Variants in INPP4B observed in about 807,000 individuals in gnomAD.
INPP4B encodes inositol polyphosphate 4-phosphatase type II.
In INPP4B, 55 loss-of-function variants were observed where a neutral mutation model predicts 122.5. That is an observed-to-expected ratio of 0.45 (90% confidence interval 0.36 to 0.56). The LOEUF (loss-of-function observed/expected upper bound fraction) is 0.56. INPP4B is among the 20% of genes least tolerant of loss of function. The pLI is 0.00. For missense variants in INPP4B, 1,000 were observed against 1,097.7 expected, an observed-to-expected ratio of 0.91 and a Z score of 1.26; for synonymous variants, 403 against 388.7, an observed-to-expected ratio of 1.04 and a Z score of -0.43.
At position 142,124,751 on chromosome 4, in the gene INPP4B, T is replaced by C; in HGVS notation, c.1730A>G (p.Tyr577Cys). Residue 577 changes from tyrosine to cysteine, a missense_variant, in exon 19 of 26, where the codon TAT (tyrosine) becomes TGT (cysteine). Physicochemically the swap from Tyr to Cys is radical, Grantham distance 194 (BLOSUM62 -2). Coordinates refer to ENST00000262992, the MANE Select transcript of INPP4B (RefSeq NM_001101669.3). ...AAGGATGAGGGGATACAACTGTTCA[T>C]ACCAGTCCTCTGGGGGAAGGGGGTG... is the stretch of plus-strand genomic sequence containing the variant. Reference protein sequence around the residue: ...AIPSHPREDWYEQLYPLILTL... With the variant: ...AIPSHPREDWCEQLYPLILTL... The C allele has an allele frequency of 1.3e-6, 2 of 1,556,260 alleles. No homozygotes were observed. Among genetic ancestry groups the C allele is most frequent in the Non-Finnish European group, 8.7e-7 (1 of 1,143,876 alleles).
intron 2 of INPP4B, among the ~76,000 whole-genome samples, chr4:142,643,870 T>G (rs1438249534): frequency 6.6e-6 from 1 of 152,124 alleles, no homozygotes; most frequent in Admixed American, 6.6e-5. Context: ...TCAAGAAAAC[T>G]GAAACAATAG....
At chr4:142,730,549 A>G (rs1765936987) in intron 1 of INPP4B, among the ~76,000 whole-genome samples, 1 of 152,086 alleles carries the variant, frequency 6.6e-6, no homozygotes, top group Non-Finnish European at 1.5e-5. Flanking sequence ...GCACCTTCCA[A>G]ATGTACTGCC....
chr4:142,527,217 ATAT>A lies in INPP4B; in HGVS notation c.-190-64494_-190-64492del, dbSNP rs1042566766. Among the ~76,000 whole-genome samples, 140 of 151,610 alleles carry A rather than the reference ATAT, an allele frequency of 9.2e-4. 2 individuals are homozygous for A. Among genetic ancestry groups the A allele is most frequent in the Admixed American group, 8.0e-3 (122 of 15,162 alleles). The stretch of plus-strand genomic sequence containing the variant: ...TTTTCTAAATTCCCCATCATAAGTA[ATAT>A]TATTAATTATGCCAATATTAATAAT... On this transcript the variant is annotated intron_variant, in intron 2 of 25. Coordinates refer to ENST00000262992, the MANE Select transcript of INPP4B (RefSeq NM_001101669.3).
chr4:142,162,459 T>C (rs1820599227), intron 16 of INPP4B, among the ~76,000 whole-genome samples: 2 of 151,908 alleles, frequency 1.3e-5, no homozygotes, highest in African/African-American at 4.8e-5. Context: ...ATTAAAAGCA[T>C]GAATTTACTC....
intron 2 of INPP4B, among the ~76,000 whole-genome samples, chr4:142,697,734 T>C (rs1467855248): frequency 6.6e-6 from 1 of 151,968 alleles, no homozygotes; most frequent in African/African-American, 2.4e-5. Flanking sequence ...ATATCATGAG[T>C]TATTCAGATT....
chr4:142,030,322 T>TG (rs746906219), intron 25 of INPP4B: 191 of 1,525,190 alleles, frequency 1.3e-4, no homozygotes, highest in Middle Eastern at 6.7e-4. Context: ...GAGGGGAAGT[T>TG]GGGGGGGAAA....
intron 2 of INPP4B, among the ~76,000 whole-genome samples, chr4:142,547,218 G>A (rs4246729): frequency 0.24 from 35,819 of 151,302 alleles, 5,292 homozygotes; most frequent in East Asian, 0.78. Flanking sequence ...AATTCATAGA[G>A]CATATCCCCA....
chr4:142,064,101 T>G (rs953530213), intron 25 of INPP4B, among the ~76,000 whole-genome samples: 1 of 152,176 alleles, frequency 6.6e-6, no homozygotes, highest in Non-Finnish European at 1.5e-5. Context: ...ACAATTTCTG[T>G]GTACTATAAT....
intron 7 of INPP4B, among the ~76,000 whole-genome samples, chr4:142,384,720 T>C (rs937934721): frequency 1.6e-4 from 24 of 152,192 alleles, no homozygotes; most frequent in African/African-American, 4.8e-4. Flanking sequence ...AGGGGATACA[T>C]GTGCAGGTTT....
chr4:142,439,360 C>T (rs931639841), intron 3 of INPP4B, among the ~76,000 whole-genome samples: 3 of 152,152 alleles, frequency 2.0e-5, no homozygotes, highest in Non-Finnish European at 4.4e-5. Flanking sequence ...TTCTCCCACC[C>T]TGCTCTCTCA....
intron 1 of INPP4B, among the ~76,000 whole-genome samples, chr4:142,739,088 A>G (rs1389692862): frequency 6.6e-6 from 1 of 152,036 alleles, no homozygotes; most frequent in African/African-American, 2.4e-5. Context: ...ACAAAATAAA[A>G]CCCTCAAAGA....
chr4:142,654,152 C>T (rs78953340), intron 2 of INPP4B, among the ~76,000 whole-genome samples: 1,741 of 151,644 alleles, frequency 0.011, 30 homozygotes, highest in African/African-American at 0.032. Flanking sequence ...TTCTCACTCA[C>T]AGGTGGGAAT....
rs190185670 is a variant in INPP4B, at chr4:142,732,941, C to G, written c.-253-7040G>C. 1.8e-4 allele frequency among the ~76,000 whole-genome samples: 28 copies of G among 152,138 alleles called. No homozygotes were observed. The East Asian group carries it at 5.4e-3, about 29-fold the overall frequency. Reference sequence around the variant, plus strand: ...TATTATAAAGCTTTTGTAATTAAGACAGTAACTGGTACAAAGACAGACAAA... The same window carrying G: ...TATTATAAAGCTTTTGTAATTAAGAGAGTAACTGGTACAAAGACAGACAAA... On this transcript the variant is annotated intron_variant, in intron 1 of 25. Transcript: ENST00000262992.
intron 2 of INPP4B, among the ~76,000 whole-genome samples, chr4:142,575,463 C>T (rs1476258319): frequency 6.6e-6 from 1 of 151,980 alleles, no homozygotes; most frequent in African/African-American, 2.4e-5. Flanking sequence ...CTCCACCATA[C>T]CTTACTATCT....
At position 142,156,869 on chromosome 4, in the gene INPP4B, T is replaced by C. The variant is rs2130690; in HGVS notation, c.1563+3489A>G. On this transcript the variant is annotated intron_variant, in intron 17 of 25. Coordinates refer to ENST00000262992, the MANE Select transcript of INPP4B (RefSeq NM_001101669.3). ...CACCATTTATTTGCTTCCCAAATAC[T>C]TATTATAAGAAGCTAAATACAGTTG... is the stretch of plus-strand genomic sequence containing the variant. Among the ~76,000 whole-genome samples, 64 of 152,228 alleles carry C rather than the reference T, an allele frequency of 4.2e-4. No individual in the cohort carries two copies. In the South Asian group the frequency reaches 0.013, roughly 31 times the overall value.
At chr4:142,165,709 C>T (rs147823366) in intron 16 of INPP4B, among the ~76,000 whole-genome samples, 1 of 151,754 alleles carries the variant, frequency 6.6e-6, no homozygotes, top group East Asian at 1.9e-4. Flanking sequence ...TTCTCAGTGC[C>T]AACAGAATAA....
intron 11 of INPP4B, among the ~76,000 whole-genome samples, chr4:142,249,219 A>C (rs1008141462): frequency 2.6e-5 from 4 of 152,244 alleles, no homozygotes; most frequent in African/African-American, 7.2e-5. Context: ...ATACTGTATC[A>C]CATCTAATGC....
chr4:142,384,582 A>G lies in INPP4B; in HGVS notation c.372+18356T>C, dbSNP rs763462239. ...CTAGAGTCTTATAGGATCACCATTG[A>G]TCTTATGGAATCACCATTGCATATG... On this transcript the variant is annotated intron_variant, in intron 7 of 25. Coordinates refer to ENST00000262992, the MANE Select transcript of INPP4B (RefSeq NM_001101669.3). Among the ~76,000 whole-genome samples, 13 of 152,202 alleles carry G rather than the reference A, an allele frequency of 8.5e-5. 1 individual carries two copies. Among genetic ancestry groups the G allele is most frequent in the South Asian group, 6.2e-4 (3 of 4,838 alleles).
chr4:142,737,391 G>C (rs1046678118), intron 1 of INPP4B, among the ~76,000 whole-genome samples: 8 of 152,044 alleles, frequency 5.3e-5, no homozygotes, highest in African/African-American at 1.7e-4. Flanking sequence ...AATGGTGCTG[G>C]GAAAACTGGC....
Sources: gnomAD v4.1 joint callset for allele counts (sites outside exome capture counted in the v4.1 genomes callset) on GRCh38, gnomAD v4.1.1 for gene constraint, MANE v1.5 for transcripts, NCBI Gene and HGNC (gene_info 2026-07-23, HGNC 2026-07-21) for gene names.